Variants in SORCS1 observed in about 807,000 individuals in gnomAD.
The protein encoded by SORCS1 is VPS10 domain-containing receptor SorCS1.
In SORCS1, 60 loss-of-function variants were observed where a neutral mutation model predicts 146.1. That is an observed-to-expected ratio of 0.41 (90% CI 0.33 to 0.51). SORCS1 has a LOEUF of 0.51. SORCS1 is among the 20% of genes least tolerant of loss of function. The pLI is 0.21. For synonymous variants in SORCS1, 637 were observed against 584.0 expected (o/e 1.09, Z -1.31); for missense variants, 1,352 against 1,487.6 (o/e 0.91, Z 1.50).
At chr10:106,915,084 C>A (rs927431368) in intron 2 of SORCS1, among the ~76,000 whole-genome samples, 27 of 152,214 alleles carry the variant, frequency 1.8e-4, no homozygotes, top group African/African-American at 6.5e-4. Flanking sequence ...AGCTCAGTTC[C>A]AGACCTGCAT....
At chr10:106,961,567 G>C (rs1022954602) in intron 1 of SORCS1, among the ~76,000 whole-genome samples, 1 of 152,196 alleles carries the variant, frequency 6.6e-6, no homozygotes, top group African/African-American at 2.4e-5. Flanking sequence ...CACAGAAAGT[G>C]CGATGGAAGT....
chr10:106,682,696 T>C (rs1396473717), intron 10 of SORCS1, among the ~76,000 whole-genome samples: 3 of 152,220 alleles, frequency 2.0e-5, no homozygotes, highest in Non-Finnish European at 4.4e-5. Context: ...TCTTCATTTC[T>C]CTTGTCTTCT....
At chr10:107,087,153 T>G (rs2134279679) in intron 1 of SORCS1, among the ~76,000 whole-genome samples, 1 of 152,366 alleles carries the variant, frequency 6.6e-6, no homozygotes, top group Non-Finnish European at 1.5e-5. Flanking sequence ...AAGTCCGTCT[T>G]GGGGTTGTCT....
chr10:106,743,001 A>T (rs1287778866), intron 5 of SORCS1, among the ~76,000 whole-genome samples: 1 of 151,986 alleles, frequency 6.6e-6, no homozygotes, highest in Non-Finnish European at 1.5e-5. Flanking sequence ...ACTCATGTAA[A>T]CTCCTTGGCC....
intron 2 of SORCS1, among the ~76,000 whole-genome samples, chr10:106,901,341 G>A (rs1015204569): frequency 2.0e-5 from 3 of 152,140 alleles, no homozygotes; most frequent in East Asian, 1.9e-4. Context: ...AGAAAGCTAC[G>A]TAAGAGACAG....
intron 2 of SORCS1, among the ~76,000 whole-genome samples, chr10:106,929,263 T>C (rs1451465433): frequency 6.6e-6 from 1 of 152,194 alleles, no homozygotes; most frequent in Non-Finnish European, 1.5e-5. Flanking sequence ...AAATTGTGCA[T>C]TACTCATCCT....
chr10:106,976,015 G>A (rs1955980048), intron 1 of SORCS1, among the ~76,000 whole-genome samples: 1 of 151,656 alleles, frequency 6.6e-6, no homozygotes, highest in South Asian at 2.1e-4. Context: ...GGCAGTGGTG[G>A]CGCACCTGTA....
intron 2 of SORCS1, among the ~76,000 whole-genome samples, chr10:106,953,232 G>C (rs1954784527): frequency 6.6e-6 from 1 of 151,500 alleles, no homozygotes; most frequent in Non-Finnish European, 1.5e-5. Context: ...ATTTTTTCCA[G>C]AATCCCCCAT....
chr10:106,978,797 C>CAA (rs35921955), intron 1 of SORCS1, among the ~76,000 whole-genome samples: 94 of 127,422 alleles, frequency 7.4e-4, no homozygotes, highest in African/African-American at 2.4e-3. Flanking sequence ...GACTCCATCT[C>CAA]AAAAAAAAAA....
At chr10:107,148,317 G>A (rs6584798) in intron 1 of SORCS1, among the ~76,000 whole-genome samples, 6,299 of 152,252 alleles carry the variant, frequency 0.041, 315 homozygotes, top group African/African-American at 0.12. Context: ...TGAGCTATAC[G>A]GTCTCTGTCA....
rs1358692591 is a variant in SORCS1 at position 106,708,748 on chromosome 10, C to CT, written c.1143+474dup. Among the ~76,000 whole-genome samples the CT allele has an allele frequency of 2.2e-3, 332 of 152,310 alleles. 2 individuals carry two copies. The highest frequency in any genetic ancestry group is 7.3e-3 in the African/African-American group (304 of 41,570). On this transcript the variant is annotated intron_variant, in intron 7 of 25. Coordinates refer to ENST00000263054, the MANE Select transcript of SORCS1 (RefSeq NM_052918.5). The stretch of plus-strand genomic sequence containing the variant: ...CCCCCTGGCCTCTGCCTCCCACTAT[C>CT]TCCAGCCACCCCACAGCTTCCCTTC...
rs1477628255 is a variant in SORCS1 at position 106,577,253 on chromosome 10, T to C, written c.*167A>G. 1.9e-6 allele frequency: 3 copies of C among 1,600,604 alleles called. No homozygotes were observed. The highest frequency in any genetic ancestry group is 2.6e-6 in the Non-Finnish European group (3 of 1,171,936). ...TTTACATAGGTAGGGATTTCTTTTG[T>C]GCTTTGATTCTCAGCAACTATGGAA... is the stretch of plus-strand genomic sequence containing the variant. On this transcript the variant is annotated 3_prime_UTR_variant, in exon 26 of 26. Coordinates refer to ENST00000263054, the MANE Select transcript of SORCS1 (RefSeq NM_052918.5).
At chr10:106,900,366 C>T (rs1338819526) in intron 2 of SORCS1, among the ~76,000 whole-genome samples, 1 of 152,038 alleles carries the variant, frequency 6.6e-6, no homozygotes, top group East Asian at 1.9e-4. Context: ...TATACAATGT[C>T]CACTTATATC....
In SORCS1 at chr10:106,675,126, G is replaced by A; in HGVS notation, c.1863C>T (p.Ser621=). 1 of 1,613,432 alleles carries A rather than the reference G, an allele frequency of 6.2e-7. No individual in the cohort carries two copies. The highest frequency in any genetic ancestry group is 2.2e-5 in the East Asian group (1 of 44,828). The change falls in exon 14 of 26, where the codon AGC becomes AGT. Residue 621 remains serine, a synonymous_variant. Coordinates refer to ENST00000263054, the MANE Select transcript of SORCS1 (RefSeq NM_052918.5). ...WLSFDEGRSW[S]KYSFTSIPLF... ...GTGGAATAGATGTGAAACTGTATTTGCTCCAAGATCTCCCTTCATCAAAAC... is the reference window on the plus strand; with the variant it reads ...GTGGAATAGATGTGAAACTGTATTTACTCCAAGATCTCCCTTCATCAAAAC...
chr10:107,054,282 T>G (rs1960392863), intron 1 of SORCS1, among the ~76,000 whole-genome samples: 1 of 152,196 alleles, frequency 6.6e-6, no homozygotes, highest in Non-Finnish European at 1.5e-5. Flanking sequence ...TTTACTGTGA[T>G]AGGTTGGTGA....
chr10:106,797,926 A>C (rs1241581037), intron 3 of SORCS1, among the ~76,000 whole-genome samples: 1 of 152,190 alleles, frequency 6.6e-6, no homozygotes, highest in Non-Finnish European at 1.5e-5. Flanking sequence ...ATATAAAGCA[A>C]TCTGACACAG....
At chr10:106,937,172 AT>A (rs141215404) in intron 2 of SORCS1, among the ~76,000 whole-genome samples, 3,621 of 143,076 alleles carry the variant, frequency 0.025, 135 homozygotes, top group African/African-American at 0.08. Context: ...AGAAGATCTG[AT>A]TTTTTTTTTT....
chr10:106,947,365 G>A (rs553479105), intron 2 of SORCS1, among the ~76,000 whole-genome samples: 19 of 152,228 alleles, frequency 1.2e-4, no homozygotes, highest in Non-Finnish European at 2.5e-4. Flanking sequence ...TATGTTTATC[G>A]GAGCACTGTG....
At chr10:106,749,372 GCTGCAAA>G (rs1221530606) in intron 5 of SORCS1, among the ~76,000 whole-genome samples, 2 of 152,104 alleles carry the variant, frequency 1.3e-5, no homozygotes, top group Admixed American at 6.5e-5. Context: ...AACCTGCTTG[GCTGCAAA>G]CTCACTGAGC....
Sources: gnomAD v4.1 joint callset for allele counts (sites outside exome capture counted in the v4.1 genomes callset) on GRCh38, gnomAD v4.1.1 for gene constraint, MANE v1.5 for transcripts, NCBI Gene and HGNC (gene_info 2026-07-23, HGNC 2026-07-21) for gene names.